The following RTCB variants were observed in gnomAD, a reference collection of about 807,000 sequenced individuals.
RTCB encodes RNA 2',3'-cyclic phosphate and 5'-OH ligase.
A neutral mutation model predicts 58.2 loss-of-function variants in RTCB; 32 were observed. The observed-to-expected ratio is 0.55, with a 90% CI of 0.41 to 0.74. The LOEUF is 0.74. Ranked by LOEUF, RTCB falls within the 30% of genes least tolerant of loss-of-function variation. RTCB has a pLI of 0.00. For missense variants in RTCB, 523 were observed against 639.0 expected, an observed-to-expected ratio of 0.82 and a Z score of 1.96; for synonymous variants, 247 against 218.6, an observed-to-expected ratio of 1.13 and a Z score of -1.15.
At chr22:32,401,606 G>A (rs1023247991) in intron 5 of RTCB, 141 bp downstream of exon 5, 26 of 909,382 alleles carry the variant, frequency 2.9e-5, no homozygotes, top group Non-Finnish European at 4.1e-5. Context: ...TGTACCTCAT[G>A]CTTAAAAAAA....
At chr22:32,391,632 C>G (rs1933156142) in intron 11 of RTCB, among the ~76,000 whole-genome samples, 1 of 152,090 alleles carries the variant, frequency 6.6e-6, no homozygotes, top group Non-Finnish European at 1.5e-5. Context: ...CTCATGTGAT[C>G]TGCCCACCTC....
chr22:32,408,202 ATTGCCAATCT>A lies in RTCB; in HGVS notation c.203_212del (p.Gln68LeufsTer34), dbSNP rs750711981. 17 of 1,614,232 alleles carry A rather than the reference ATTGCCAATCT, an allele frequency of 1.1e-5. No individual in the cohort carries two copies. Among genetic ancestry groups the A allele is most frequent in the Non-Finnish European group, 1.4e-5 (17 of 1,180,026 alleles). On this transcript the variant is annotated frameshift_variant, in exon 3 of 12. Coordinates refer to ENST00000216038, the MANE Select transcript of RTCB (RefSeq NM_014306.5). LOFTEE classifies it high-confidence loss of function. ...GAACAATTCCAGGCAGGGCTGCCAC[ATTGCCAATCT>A]GTTTCATGGCTGGCAGGAAGCCACC...
chr22:32,408,718 T>TA (rs1933469655), intron 2 of RTCB, 37 bp downstream of exon 2: 1 of 1,461,110 alleles, frequency 6.8e-7, no homozygotes, highest in African/African-American at 1.4e-5. Flanking sequence ...GGGAAGGCAC[T>TA]ACCGTACTAA....
At chr22:32,390,890 T>C (rs1206576085) in intron 11 of RTCB, among the ~76,000 whole-genome samples, 1 of 152,232 alleles carries the variant, frequency 6.6e-6, no homozygotes, top group Non-Finnish European at 1.5e-5. Flanking sequence ...AGATAGGGTC[T>C]TGCTTTGCAC....
At chr22:32,403,349 G>A (rs1933369107) in intron 4 of RTCB, among the ~76,000 whole-genome samples, 1 of 151,950 alleles carries the variant, frequency 6.6e-6, no homozygotes, top group South Asian at 2.1e-4. Context: ...GGAGCTTGCA[G>A]TGAGCCAAGA....
intron 11 of RTCB, among the ~76,000 whole-genome samples, chr22:32,391,369 TA>T (rs1279388840): frequency 2.0e-5 from 3 of 152,008 alleles, no homozygotes; most frequent in Non-Finnish European, 4.4e-5. Context: ...AAAAAGCATT[TA>T]GGAAAAAACT....
At chr22:32,410,590 T>C (rs930282868) in intron 1 of RTCB, among the ~76,000 whole-genome samples, 1 of 152,156 alleles carries the variant, frequency 6.6e-6, no homozygotes, top group East Asian at 1.9e-4. Flanking sequence ...CCTAGCAAAA[T>C]GAGACTTGCC....
intron 11 of RTCB, among the ~76,000 whole-genome samples, chr22:32,389,365 C>T (rs1933113456): frequency 6.6e-6 from 1 of 152,204 alleles, no homozygotes; most frequent in Non-Finnish European, 1.5e-5. Context: ...ATCTTCCCCA[C>T]ATATCTGTAT....
chr22:32,401,426 T>A (rs1349605053), intron 5 of RTCB: 1 of 187,588 alleles, frequency 5.3e-6, no homozygotes, highest in Non-Finnish European at 1.1e-5. Flanking sequence ...TTCTTTCTTG[T>A]AAGTTAGGGA....
chr22:32,398,880 G>C (rs1008468837), intron 6 of RTCB, among the ~76,000 whole-genome samples: 1 of 152,180 alleles, frequency 6.6e-6, no homozygotes, highest in African/African-American at 2.4e-5. Context: ...TGCTGGAAGA[G>C]TCTTTAGAGG....
rs1933409358 is a variant in RTCB at position 32,405,833 on chromosome 22, T to A, written c.340+829A>T. On this transcript the variant is annotated intron_variant, in intron 4 of 11. Transcript: ENST00000216038. ...AACTTCATTTCTAAATTCACACTCT[T>A]TAACAGCAAAGATATTACTTCTGAT... is the stretch of plus-strand genomic sequence containing the variant. 2.0e-5 allele frequency among the ~76,000 whole-genome samples: 3 copies of A among 152,330 alleles called. 1 individual carries two copies. Among genetic ancestry groups the A allele is most frequent in the Admixed American group, 2.0e-4 (3 of 15,304 alleles).
At chr22:32,394,031 A>G in intron 9 of RTCB, 29 bp from the exon 10 acceptor site, 2 of 1,464,000 alleles carry the variant, frequency 1.4e-6, no homozygotes, top group Non-Finnish European at 9.6e-7. Context: ...CAAACATGTT[A>G]AAATTCAGAA....
chr22:32,401,964 C>A, intron 4 of RTCB, 61 bp from the exon 5 acceptor site: 1 of 1,526,312 alleles, frequency 6.6e-7, no homozygotes, highest in South Asian at 1.2e-5. Flanking sequence ...TGCAGTTTCT[C>A]GCCATTAATA....
In RTCB at chr22:32,392,274, A is replaced by G. The variant is rs1311808477; in HGVS notation, c.1376T>C (p.Ile459Thr). Residue 459 changes from isoleucine to threonine, a missense_variant, in exon 11 of 12, where the codon ATC (isoleucine) becomes ACC (threonine). Around this residue, in one of 3 missense-constraint regions of RTCB, gnomAD observed 248 missense variants for 292.5 expected, o/e 0.85. Coordinates refer to ENST00000216038, the MANE Select transcript of RTCB (RefSeq NM_014306.5). ...LDKLADMGIA[I>T]RVASPKLVME... ...AACCAGTTTGGGTGAGGCAACACGG[A>G]TCGCAATTCCCATATCTGCCAATTT... is the stretch of plus-strand genomic sequence containing the variant. 6.2e-7 allele frequency: 1 copy of G among 1,614,010 alleles called. No homozygotes were observed. The highest frequency in any genetic ancestry group is 1.7e-5 in the Admixed American group (1 of 59,944).
At chr22:32,409,409 T>C (rs1422798340) in intron 1 of RTCB, among the ~76,000 whole-genome samples, 2 of 152,220 alleles carry the variant, frequency 1.3e-5, no homozygotes, top group Non-Finnish European at 2.9e-5. Flanking sequence ...CTGAAAGCTA[T>C]ATAATTTTTT....
chr22:32,394,828 T>C (rs1933217260), intron 9 of RTCB, among the ~76,000 whole-genome samples, 198 bp downstream of exon 9: 1 of 142,140 alleles, frequency 7.0e-6, no homozygotes, highest in Non-Finnish European at 1.5e-5. Flanking sequence ...GCACTTGCTA[T>C]AGCACACGGC....
chr22:32,401,970 T>A, intron 4 of RTCB, 67 bp from the exon 5 acceptor site: 1 of 1,488,950 alleles, frequency 6.7e-7, no homozygotes, highest in Non-Finnish European at 9.3e-7. Context: ...TTCTCGCCAT[T>A]AATATGGAAC....
intron 7 of RTCB, 75 bp from the exon 8 acceptor site, chr22:32,396,324 T>G (rs986407541): frequency 4.9e-6 from 7 of 1,430,222 alleles, no homozygotes; most frequent in Non-Finnish European, 6.7e-6. Context: ...TGCAGAAAGG[T>G]AGGCTACATT....
At chr22:32,408,716 A>G (rs753641489) in intron 2 of RTCB, 39 bp downstream of exon 2, 51 of 1,427,702 alleles carry the variant, frequency 3.6e-5, no homozygotes, top group Non-Finnish European at 4.8e-5. Context: ...CAGGGAAGGC[A>G]CTACCGTACT....
Sources: gnomAD v4.1 joint callset for allele counts (sites outside exome capture counted in the v4.1 genomes callset) on GRCh38, gnomAD v4.1.1 for gene constraint, gnomAD v4.1.1 regional missense constraint, MANE v1.5 for transcripts, NCBI Gene and HGNC (gene_info 2026-07-23, HGNC 2026-07-21) for gene names.